SFTPB: variants seen among roughly 807,000 people sequenced by gnomAD.
SFTPB encodes surfactant protein B.
Under a neutral mutation model 51.0 loss-of-function variants are expected in SFTPB, and 32 were observed. The observed-to-expected ratio is 0.63, with a 90% CI of 0.47 to 0.84. The LOEUF (loss-of-function observed/expected upper bound fraction) is 0.84, where lower values mean the gene tolerates loss of function less well. Among genes scored for constraint, SFTPB ranks in the 40% least tolerant of loss-of-function variants. The pLI, the probability that SFTPB is intolerant of heterozygous loss-of-function variation, is 0.00. For missense variants in SFTPB, 431 were observed against 491.2 expected (o/e 0.88, Z 1.16); for synonymous variants, 211 against 208.5 (o/e 1.01, Z -0.10).
rs1454683077 is a variant in SFTPB, at chr2:85,666,422, GTTGTGTGT to G, written c.393+187_393+194del. 5 of 526,994 alleles carry G rather than the reference GTTGTGTGT, an allele frequency of 9.5e-6. 1 individual carries two copies. The East Asian group carries it at 1.1e-4, about 12-fold the overall frequency. The allele number at this position is 526,994 out of a possible 1,614,324, so 32.6% of individuals were successfully genotyped here. ...GTGTGTGTGTCCGGCCAGCTGGGGT[GTTGTGTGT>G]GTGTGTGTGTGTGTGTCCGGCTGGC... is the stretch of plus-strand genomic sequence containing the variant. On this transcript the variant is annotated intron_variant, in intron 4 of 10. Coordinates refer to ENST00000519937, the MANE Select transcript of SFTPB (RefSeq NM_000542.5).
chr2:85,666,902 C>T (rs1370012695), intron 3 of SFTPB, among the ~76,000 whole-genome samples, 160 bp from the exon 4 acceptor site: 3 of 152,148 alleles, frequency 2.0e-5, no homozygotes, highest in African/African-American at 7.2e-5. Context: ...ATGTAGGGGC[C>T]CTTCCCCTCA....
intron 4 of SFTPB, among the ~76,000 whole-genome samples, chr2:85,666,272 TG>T (rs1334631382): frequency 7.3e-6 from 1 of 137,312 alleles, no homozygotes; most frequent in Non-Finnish European, 1.6e-5. Flanking sequence ...GGGTACTGTG[TG>T]GGTATGTGTC....
chr2:85,665,619 C>T lies in SFTPB; in HGVS notation c.569G>A (p.Gly190Glu), dbSNP rs771834627. Reference protein sequence around the residue: ...VLPGALQARPGPHTQDLSEQQ... With the variant: ...VLPGALQARPEPHTQDLSEQQ... ...GGCCTCCCTCACCTGTGTGTGAGGC[C>T]CAGGCCTCGCCTGGAGGGCCCCGGG... The change falls in exon 5 of 11, where the codon GGG becomes GAG. Residue 190 changes from glycine (G) to glutamate (E), a missense_variant. Transcript: ENST00000519937. 6.2e-7 allele frequency: 1 copy of T among 1,613,714 alleles called. No homozygotes were observed.
In SFTPB at chr2:85,666,252, T is replaced by C. The variant is rs867202790; in HGVS notation, c.393+365A>G. Among the ~76,000 whole-genome samples, 468 of 125,900 alleles carry C rather than the reference T, an allele frequency of 3.7e-3. 1 individual carries two copies. The highest frequency in any genetic ancestry group is 4.2e-3 in the Non-Finnish European group (248 of 58,782). The allele number at this position is 125,900 out of a possible 152,430, so 82.6% of individuals were successfully genotyped here. A position where few individuals can be genotyped will look rare whatever the true frequency, so the allele number is the denominator to read the frequency against. ...GTGTGTGTGTGTGTGTGTGTGTGTC[T>C]GGCTGGCTGGGGTACTGTGTGGGTA... On this transcript the variant is annotated intron_variant, in intron 4 of 10. Coordinates refer to ENST00000519937, the MANE Select transcript of SFTPB (RefSeq NM_000542.5).
chr2:85,667,657 A>G (rs774280634), intron 2 of SFTPB, 22 bp downstream of exon 2: 20 of 1,614,094 alleles, frequency 1.2e-5, no homozygotes, highest in Non-Finnish European at 1.6e-5. Flanking sequence ...CCCAGTTGCC[A>G]TGCATCCTTG....
chr2:85,667,641 C>T, intron 2 of SFTPB, 38 bp downstream of exon 2: 1 of 1,614,204 alleles, frequency 6.2e-7, no homozygotes. Flanking sequence ...CCCTTCATTT[C>T]AGACCCCCAG....
chr2:85,663,242 A>T, intron 8 of SFTPB, 104 bp downstream of exon 8: 1 of 1,480,276 alleles, frequency 6.8e-7, no homozygotes, highest in Middle Eastern at 2.2e-4. Context: ...TCTGTGCTCC[A>T]TTCTGGCCCA....
At chr2:85,661,634 A>G in intron 9 of SFTPB, 99 bp from the exon 10 acceptor site, 1 of 987,008 alleles carries the variant, frequency 1.0e-6, no homozygotes, top group Non-Finnish European at 1.5e-6. Context: ...CCTCCCGCCT[A>G]GTGGGTGCTA....
At chr2:85,662,147 G>C in intron 8 of SFTPB, 38 bp from the exon 9 acceptor site, 6 of 1,577,658 alleles carry the variant, frequency 3.8e-6, no homozygotes, top group Non-Finnish European at 5.2e-6. Context: ...GGGTCCCTTT[G>C]CAGGACTCTC....
At position 85,663,805 on chromosome 2, in the gene SFTPB, GTAC is replaced by G; in HGVS notation, c.712_714del (p.Val238del). ...TGGCAGATGCCGCCCGCCACCAGAG[GTAC>G]CACGCGGCACACCTGGGCCACTGCC... On this transcript the variant is annotated inframe_deletion, in exon 7 of 11. Transcript: ENST00000519937. The G allele has an allele frequency of 6.2e-7, 1 of 1,600,798 alleles. No individual in the cohort carries two copies. Among genetic ancestry groups the G allele is most frequent in the East Asian group, 2.3e-5 (1 of 44,294 alleles).
At position 85,666,215 on chromosome 2, in the gene SFTPB, C is replaced by CTCTGTG. The variant is rs72124190; in HGVS notation, c.393+401_393+402insCACAGA. On this transcript the variant is annotated intron_variant, in intron 4 of 10. Transcript: ENST00000519937. ...GGCCAGCTGGGGTGCTGTGTGTGTGCTGTGTGTGTGTGTGTGTGTGTGTGT... is the reference window on the plus strand; with the variant it reads ...GGCCAGCTGGGGTGCTGTGTGTGTGCTCTGTGTGTGTGTGTGTGTGTGTGTGTGTGT... 6.8e-4 allele frequency among the ~76,000 whole-genome samples: 66 copies of CTCTGTG among 96,438 alleles called. No individual in the cohort carries two copies. In the Middle Eastern group the frequency reaches 0.021, roughly 30 times the overall value. The allele number at this position is 96,438 out of a possible 152,430, so 63.3% of individuals were successfully genotyped here.
intron 10 of SFTPB, 139 bp downstream of exon 10, chr2:85,661,315 C>T (rs1677277557): frequency 1.6e-6 from 1 of 634,636 alleles, no homozygotes. Context: ...CAGGAGCCTC[C>T]AGCTGTGCGG....
In SFTPB at chr2:85,658,690, T is replaced by A. The variant is rs1677152580; in HGVS notation, c.*1012A>T. 1 of 151,792 alleles carries A rather than the reference T, an allele frequency of 6.6e-6. No individual in the cohort carries two copies. The highest frequency in any genetic ancestry group is 6.6e-5 in the Admixed American group (1 of 15,222). The allele number at this position is 151,792 out of a possible 1,614,324, so 9.4% of individuals were successfully genotyped here. On this transcript the variant is annotated 3_prime_UTR_variant, in exon 11 of 11. Coordinates refer to ENST00000519937, the MANE Select transcript of SFTPB (RefSeq NM_000542.5). ...GGCATATGCCACCACACTTGGCTAA[T>A]TTTTTGTATTTTTAGTAGAAATGGG...
At chr2:85,659,922 G>A (rs1677202651) in intron 10 of SFTPB, among the ~76,000 whole-genome samples, 1 of 152,154 alleles carries the variant, frequency 6.6e-6, no homozygotes, top group African/African-American at 2.4e-5. Flanking sequence ...CATTAAACTG[G>A]TCCCTGTGGG....
rs772058299 is a variant in SFTPB, at chr2:85,667,854, C to T, written c.68-48G>A. On this transcript the variant is annotated intron_variant, in intron 1 of 10. Coordinates refer to ENST00000519937, the MANE Select transcript of SFTPB (RefSeq NM_000542.5). ...CCTTAATCAGGATCCAGGCTACACA[C>T]CTGGCATCATGATTTCACCCACCCT... The T allele has an allele frequency of 2.5e-6, 4 of 1,613,696 alleles. No homozygotes were observed. In the Admixed American group the frequency reaches 6.7e-5, roughly 27 times the overall value.
chr2:85,667,518 C>A (rs1047592194), intron 2 of SFTPB, among the ~76,000 whole-genome samples, 161 bp downstream of exon 2: 1 of 152,158 alleles, frequency 6.6e-6, no homozygotes, highest in African/African-American at 2.4e-5. Flanking sequence ...CGTATCCCAT[C>A]GCATCCATCC....
chr2:85,664,146 G>C (rs920603164), intron 6 of SFTPB, among the ~76,000 whole-genome samples: 5 of 152,170 alleles, frequency 3.3e-5, no homozygotes, highest in Non-Finnish European at 7.4e-5. Context: ...CAATGCTTGG[G>C]ATTCAGCTGC....
At chr2:85,664,357 C>T (rs1467741133) in intron 6 of SFTPB, among the ~76,000 whole-genome samples, 2 of 152,188 alleles carry the variant, frequency 1.3e-5, no homozygotes, top group African/African-American at 4.8e-5. Context: ...GCTCCAGGCC[C>T]ATCCATGCCC....
intron 7 of SFTPB, 50 bp downstream of exon 7, chr2:85,663,614 G>C (rs755788180): frequency 6.3e-7 from 1 of 1,592,272 alleles, no homozygotes. Flanking sequence ...TGGCAGGGTA[G>C]GGGGAGGAGG....
Sources: gnomAD v4.1 joint callset for allele counts (sites outside exome capture counted in the v4.1 genomes callset) on GRCh38, gnomAD v4.1.1 for gene constraint, MANE v1.5 for transcripts, NCBI Gene and HGNC (gene_info 2026-07-23, HGNC 2026-07-21) for gene names.